The following DDIAS variants were observed in gnomAD, a reference collection of about 807,000 sequenced individuals.
The protein encoded by DDIAS is DNA damage induced apoptosis suppressor.
DDIAS carries 14 observed loss-of-function variants against 15.7 expected under a neutral mutation model. That is an observed-to-expected ratio of 0.89 (90% CI 0.59 to 1.39). The LOEUF (loss-of-function observed/expected upper bound fraction) is 1.39, where lower values mean the gene tolerates loss of function less well. Among genes scored for constraint, DDIAS ranks in the 40% most tolerant of loss-of-function variants. DDIAS has a pLI of 0.00. For missense variants in DDIAS, 1,035 were observed against 1,130.9 expected, an observed-to-expected ratio of 0.92 and a Z score of 1.22; for synonymous variants, 355 against 395.9, an observed-to-expected ratio of 0.90 and a Z score of 1.23.
intron 3 of DDIAS, among the ~76,000 whole-genome samples, chr11:82,926,387 C>A (rs956570956): frequency 1.3e-5 from 2 of 152,024 alleles, no homozygotes; most frequent in African/African-American, 4.8e-5. Flanking sequence ...TCACGCCTGG[C>A]CCAAGTAAAT....
rs189378429 is a variant in DDIAS at position 82,925,074 on chromosome 11, T to G, written c.114-3703T>G. The stretch of plus-strand genomic sequence containing the variant: ...AACAGATTGAGCAGAGAAGCAGATA[T>G]GAGAATCCAGCTGTCTTTTTATGAA... On this transcript the variant is annotated intron_variant, in intron 3 of 5. Coordinates refer to ENST00000533655, the MANE Select transcript of DDIAS (RefSeq NM_145018.4). Among the ~76,000 whole-genome samples the G allele has an allele frequency of 2.1e-4, 32 of 152,310 alleles. 1 individual carries two copies. In the East Asian group the frequency reaches 4.6e-3, roughly 22 times the overall value.
At chr11:82,920,094 C>G (rs1189995085) in intron 3 of DDIAS, among the ~76,000 whole-genome samples, 1 of 152,084 alleles carries the variant, frequency 6.6e-6, no homozygotes, top group Non-Finnish European at 1.5e-5. Flanking sequence ...GTATCTAATT[C>G]TTCCTGATTT....
chr11:82,930,139 A>T lies in DDIAS; in HGVS notation c.276-18A>T. On this transcript the variant is annotated intron_variant, in intron 4 of 5. Coordinates refer to ENST00000533655, the MANE Select transcript of DDIAS (RefSeq NM_145018.4). Reference sequence around the variant, plus strand: ...CAAAGTTCATTGCTTCACATTTTTTACTTTTTTTCCAATCAAGGTACATTC... The same window carrying T: ...CAAAGTTCATTGCTTCACATTTTTTTCTTTTTTTCCAATCAAGGTACATTC... 1 of 1,412,516 alleles carries T rather than the reference A, an allele frequency of 7.1e-7. No homozygotes were observed. Among genetic ancestry groups the T allele is most frequent in the Non-Finnish European group, 9.8e-7 (1 of 1,024,852 alleles). 87.5% of individuals were successfully genotyped at this position (1,412,516 alleles called of 1,614,324 possible).
At chr11:82,913,645 T>C (rs1336150578) in intron 2 of DDIAS, 1 of 401,814 alleles carries the variant, frequency 2.5e-6, no homozygotes, top group East Asian at 7.4e-5. Context: ...GTCTTTTTTT[T>C]CTCTTCAAGA....
intron 1 of DDIAS, 98 bp from the exon 2 acceptor site, chr11:82,913,189 T>A (rs1286038431): frequency 6.6e-6 from 1 of 152,142 alleles, no homozygotes; most frequent in Non-Finnish European, 1.5e-5. Context: ...GTAAAAAAAA[T>A]GTAATATCTG....
chr11:82,932,425 A>G lies in DDIAS; in HGVS notation c.1087A>G (p.Lys363Glu). 1 of 1,614,156 alleles carries G rather than the reference A, an allele frequency of 6.2e-7. No homozygotes were observed. Among genetic ancestry groups the G allele is most frequent in the Non-Finnish European group, 8.5e-7 (1 of 1,180,000 alleles). Reference sequence around the variant, plus strand: ...ATCCTTCCACAGTGCAGTGGAAATTAAAAATAGGTCCCAGCATGAGCTACC... The same window carrying G: ...ATCCTTCCACAGTGCAGTGGAAATTGAAAATAGGTCCCAGCATGAGCTACC... ...TKSFHSAVEI[K>E]NRSQHELPCF... Residue 363 changes from lysine to glutamate, a missense_variant, in exon 6 of 6, where the codon AAA (lysine) becomes GAA (glutamate). Coordinates refer to ENST00000533655, the MANE Select transcript of DDIAS (RefSeq NM_145018.4).
chr11:82,928,446 G>A (rs771028796), intron 3 of DDIAS, among the ~76,000 whole-genome samples: 20 of 151,810 alleles, frequency 1.3e-4, no homozygotes, highest in Non-Finnish European at 2.2e-4. Flanking sequence ...TGACCCACCC[G>A]CCTCGGCCTC....
intron 5 of DDIAS, among the ~76,000 whole-genome samples, chr11:82,931,136 T>C (rs1004181327): frequency 2.0e-5 from 3 of 152,178 alleles, no homozygotes; most frequent in African/African-American, 7.2e-5. Context: ...TTTTATTTTA[T>C]AAAGGAGAAG....
chr11:82,908,191 A>G (rs186134928), intron 1 of DDIAS, among the ~76,000 whole-genome samples: 4 of 152,350 alleles, frequency 2.6e-5, no homozygotes, highest in African/African-American at 9.6e-5. Flanking sequence ...CAAAGAGAAT[A>G]GTAAGCACAA....
intron 5 of DDIAS, 87 bp downstream of exon 5, chr11:82,930,361 T>C (rs752665496): frequency 9.8e-7 from 1 of 1,022,304 alleles, no homozygotes; most frequent in East Asian, 2.4e-5. Context: ...TTGTTAGGAG[T>C]TCTGTACATG....
At position 82,934,231 on chromosome 11, in the gene DDIAS, C is replaced by A. The variant is rs200868395; in HGVS notation, c.2893C>A (p.Pro965Thr). ...ACCTCAGCTGCACCCTATTCTTGGA[C>A]CTGATTCTTGTTCAGAAGTCAAATG... ...AAPQLHPILG[P>T]DSCSEVKCCL... Residue 965 changes from proline to threonine, a missense_variant, in exon 6 of 6, where the codon CCT becomes ACT. Pro to Thr is a conservative substitution (Grantham distance 38). Transcript: ENST00000533655. The A allele has an allele frequency of 1.9e-6, 3 of 1,614,066 alleles. No homozygotes were observed. The highest frequency in any genetic ancestry group is 2.2e-5 in the South Asian group (2 of 91,030).
In DDIAS at chr11:82,932,321, G is replaced by T; in HGVS notation, c.983G>T (p.Ser328Ile). The T allele has an allele frequency of 6.2e-7, 1 of 1,614,054 alleles. No homozygotes were observed. The highest frequency in any genetic ancestry group is 8.5e-7 in the Non-Finnish European group (1 of 1,179,940). The change falls in exon 6 of 6, where the codon AGT becomes ATT. Residue 328 changes from serine (S) to isoleucine (I), a missense_variant. Ser to Ile is a moderately radical substitution (Grantham distance 142, BLOSUM62 -2). Coordinates refer to ENST00000533655, the MANE Select transcript of DDIAS (RefSeq NM_145018.4). The stretch of plus-strand genomic sequence containing the variant: ...AAGGAGCTGAGTGCAGTTCACAGCA[G>T]TCATCATGAAATTGGAGTTAATGAC... The part of the protein sequence containing the change: ...QAKELSAVHS[S>I]HHEIGVNDSN...
At chr11:82,926,465 T>A (rs1413084051) in intron 3 of DDIAS, among the ~76,000 whole-genome samples, 1 of 152,244 alleles carries the variant, frequency 6.6e-6, no homozygotes. Context: ...AATAATTTTT[T>A]AAGAGTATTA....
chr11:82,907,601 C>T (rs542872600), intron 1 of DDIAS, among the ~76,000 whole-genome samples: 148 of 152,282 alleles, frequency 9.7e-4, no homozygotes, highest in Middle Eastern at 6.8e-3. Flanking sequence ...AGTGCAGTGG[C>T]GCAATACCGC....
rs370203828 is a variant in DDIAS at position 82,928,826 on chromosome 11, T to C, written c.163T>C (p.Tyr55His). The change falls in exon 4 of 6, where the codon TAC becomes CAC. Residue 55 changes from tyrosine (Y) to histidine (H), a missense_variant. Coordinates refer to ENST00000533655, the MANE Select transcript of DDIAS (RefSeq NM_145018.4). ...TACTGGTGAATCTGGAAATGCCAAT[T>C]ACAGATACAAACTTTCCTTAAAAGT... ...GSTGESGNAN[Y>H]RYKLSLKVAE... The C allele has an allele frequency of 4.1e-5, 66 of 1,613,504 alleles. No individual in the cohort carries two copies. In the South Asian group the frequency reaches 6.3e-4, roughly 15 times the overall value.
chr11:82,928,924 C>T lies in DDIAS; in HGVS notation c.261C>T (p.Ala87=), dbSNP rs1334959276. ...SCLDTFFGLT[A]TGLHRYIQDP... is the part of the protein sequence containing the mutation. Reference sequence around the variant, plus strand: ...TAGATACATTTTTTGGTCTTACTGCCACTGGTTTGCACAGGTAAGAATACT... The same window carrying T: ...TAGATACATTTTTTGGTCTTACTGCTACTGGTTTGCACAGGTAAGAATACT... The change falls in exon 4 of 6, where the codon GCC becomes GCT. Residue 87 remains alanine, a synonymous_variant. Transcript: ENST00000533655. The T allele has an allele frequency of 6.2e-7, 1 of 1,611,090 alleles. No individual in the cohort carries two copies. Among genetic ancestry groups the T allele is most frequent in the South Asian group, 1.1e-5 (1 of 90,194 alleles).
chr11:82,926,775 C>A (rs903672631), intron 3 of DDIAS, among the ~76,000 whole-genome samples: 3 of 152,126 alleles, frequency 2.0e-5, no homozygotes, highest in African/African-American at 7.2e-5. Flanking sequence ...TTACACCACA[C>A]TAACATTTAT....
At position 82,932,685 on chromosome 11, in the gene DDIAS, T is replaced by C. The variant is rs1861022477; in HGVS notation, c.1347T>C (p.Asn449=). The stretch of plus-strand genomic sequence containing the variant: ...GTAGTAGGAAACATCATGTAGATAA[T>C]GACATTGATAAATTTCATGCAGACC... The part of the protein sequence containing the change: ...DVSSRKHHVD[N]DIDKFHADHS... The change falls in exon 6 of 6, where the codon AAT becomes AAC. Residue 449 remains asparagine, a synonymous_variant. Transcript: ENST00000533655. 1 of 1,613,922 alleles carries C rather than the reference T, an allele frequency of 6.2e-7. No homozygotes were observed. The highest frequency in any genetic ancestry group is 1.3e-5 in the African/African-American group (1 of 74,922).
At chr11:82,906,044 G>A (rs1341499017) in intron 1 of DDIAS, among the ~76,000 whole-genome samples, 1 of 152,000 alleles carries the variant, frequency 6.6e-6, no homozygotes, top group African/African-American at 2.4e-5. Context: ...AAGTCAAGCA[G>A]TAGAGAGAGA....
Sources: allele counts gnomAD v4.1 joint callset (sites outside exome capture counted in the v4.1 genomes callset), GRCh38; gene constraint gnomAD v4.1.1; transcripts MANE v1.5; gene names NCBI Gene and HGNC (gene_info 2026-07-23, HGNC 2026-07-21).